Variants in TRAK1 observed in about 807,000 individuals in gnomAD.
TRAK1 encodes trafficking kinesin-binding protein 1.
TRAK1 carries 33 observed loss-of-function variants against 92.1 expected under a neutral mutation model. The observed-to-expected ratio is 0.36, with a 90% confidence interval of 0.27 to 0.48. The LOEUF is 0.48. Ranked by LOEUF, TRAK1 falls within the 20% of genes least tolerant of loss-of-function variation. The pLI is 0.99. For synonymous variants in TRAK1, 521 were observed against 517.3 expected, an observed-to-expected ratio of 1.01 and a Z score of -0.10; for missense variants, 1,123 against 1,257.9, an observed-to-expected ratio of 0.89 and a Z score of 1.62.
chr3:42,196,924 A>G (rs1425591870), intron 10 of TRAK1, among the ~76,000 whole-genome samples: 1 of 150,054 alleles, frequency 6.7e-6, no homozygotes. Context: ...GACAGCAGTA[A>G]CCAGTCCTGA....
upstream of TRAK1, among the ~76,000 whole-genome samples, chr3:42,089,675 AC>A (rs3073728): frequency 5.2e-3 from 687 of 132,930 alleles, 7 homozygotes; most frequent in African/African-American, 0.017. Context: ...GCTTTTTGTG[AC>A]CCCCCCCCAA....
chr3:42,203,044 G>A (rs1051003094), intron 13 of TRAK1: 2 of 1,239,632 alleles, frequency 1.6e-6, no homozygotes, highest in African/African-American at 3.1e-5. Context: ...TAGAACCTTA[G>A]AAATAAAAAC....
At chr3:42,102,533 C>T (rs911965284) in intron 1 of TRAK1, among the ~76,000 whole-genome samples, 2 of 152,148 alleles carry the variant, frequency 1.3e-5, no homozygotes, top group African/African-American at 2.4e-5. Flanking sequence ...TGTCTCATGA[C>T]CAGGGAGAAG....
chr3:42,181,339 T>G (rs1030719074), intron 3 of TRAK1, among the ~76,000 whole-genome samples: 1 of 151,970 alleles, frequency 6.6e-6, no homozygotes, highest in Admixed American at 6.6e-5. Flanking sequence ...AGGTCAGGAG[T>G]CCGATACTAG....
At chr3:42,093,327 G>C (rs573897004) in intron 1 of TRAK1, among the ~76,000 whole-genome samples, 18 of 151,924 alleles carry the variant, frequency 1.2e-4, no homozygotes, top group African/African-American at 3.6e-4. Context: ...TTTGATCTTT[G>C]CAAAACCACA....
At chr3:42,134,170 C>T (rs991960536) in intron 2 of TRAK1, among the ~76,000 whole-genome samples, 10 of 140,796 alleles carry the variant, frequency 7.1e-5, no homozygotes, top group Non-Finnish European at 1.4e-4. Flanking sequence ...CCTTCCCCTT[C>T]CCCTTCCTCT....
chr3:42,119,400 G>A (rs1709565912), intron 1 of TRAK1, among the ~76,000 whole-genome samples: 1 of 152,200 alleles, frequency 6.6e-6, no homozygotes. Flanking sequence ...TGAGAAGTTG[G>A]TATGCCTTAA....
At chr3:42,022,009 A>T (rs1701740178) in intron 1 of TRAK1, among the ~76,000 whole-genome samples, 2 of 152,200 alleles carry the variant, frequency 1.3e-5, no homozygotes, top group Non-Finnish European at 2.9e-5. Flanking sequence ...TGGAACAGGT[A>T]TTCTGTGCCA....
intron 1 of TRAK1, among the ~76,000 whole-genome samples, chr3:42,050,316 C>CT (rs1239077840): frequency 6.6e-6 from 1 of 152,192 alleles, no homozygotes; most frequent in Non-Finnish European, 1.5e-5. Context: ...TCAGTTTCTG[C>CT]TGCAGTGGAG....
chr3:42,091,594 T>G (rs1319535207), intron 1 of TRAK1, 34 bp downstream of exon 1: 5 of 1,596,516 alleles, frequency 3.1e-6, no homozygotes, highest in Non-Finnish European at 4.3e-6. Context: ...CTGCTGTCTG[T>G]TTTCTTTGTG....
intron 14 of TRAK1, chr3:42,212,311 G>A (rs984944339): frequency 1.0e-6 from 1 of 985,398 alleles, no homozygotes; most frequent in Non-Finnish European, 1.2e-6. Flanking sequence ...CACTATCCCA[G>A]GAACTATTGT....
chr3:42,219,694 C>A, intron 15 of TRAK1, 98 bp downstream of exon 15: 1 of 1,411,594 alleles, frequency 7.1e-7, no homozygotes, highest in Non-Finnish European at 9.8e-7. Context: ...AGTAGAGAGG[C>A]TCATAGAAAA....
At chr3:42,110,518 T>G (rs1436121068) in intron 1 of TRAK1, among the ~76,000 whole-genome samples, 1 of 152,130 alleles carries the variant, frequency 6.6e-6, no homozygotes, top group African/African-American at 2.4e-5. Flanking sequence ...GCTGAAGGGC[T>G]TTTTTCCCAT....
intron 1 of TRAK1, among the ~76,000 whole-genome samples, chr3:42,020,270 T>C (rs983462098): frequency 1.5e-4 from 23 of 152,256 alleles, no homozygotes; most frequent in Non-Finnish European, 3.4e-4. Context: ...CCTTTAATTA[T>C]CTTAGCTCCA....
At chr3:42,040,172 C>T (rs1199920515) in intron 1 of TRAK1, among the ~76,000 whole-genome samples, 1 of 151,952 alleles carries the variant, frequency 6.6e-6, no homozygotes, top group Non-Finnish European at 1.5e-5. Flanking sequence ...ATTTACAGCA[C>T]AACATTTTTA....
intron 1 of TRAK1, among the ~76,000 whole-genome samples, chr3:42,029,857 T>G (rs991909442): frequency 4.6e-5 from 7 of 152,292 alleles, no homozygotes; most frequent in African/African-American, 1.7e-4. Flanking sequence ...CCCTGATTGA[T>G]TTTTTAAATG....
chr3:42,203,876 T>G (rs1298404072), intron 13 of TRAK1: 4 of 922,400 alleles, frequency 4.3e-6, no homozygotes, highest in Middle Eastern at 5.6e-4. Context: ...AAGAATCCAA[T>G]TATGTTTACC....
chr3:42,016,031 C>A (rs1291048927), intron 1 of TRAK1, among the ~76,000 whole-genome samples: 1 of 151,390 alleles, frequency 6.6e-6, no homozygotes, highest in African/African-American at 2.4e-5. Flanking sequence ...AGCAAGACCC[C>A]ATCTCAAAAA....
upstream of TRAK1, among the ~76,000 whole-genome samples, chr3:42,086,254 A>T (rs1704667451): frequency 6.6e-6 from 1 of 151,042 alleles, no homozygotes; most frequent in Non-Finnish European, 1.5e-5. Flanking sequence ...CTTTCATCCT[A>T]GTCAGATTTT....
Sources: allele counts gnomAD v4.1 joint callset (sites outside exome capture counted in the v4.1 genomes callset), GRCh38; gene constraint gnomAD v4.1.1; transcripts MANE v1.5; gene names NCBI Gene and HGNC (gene_info 2026-07-23, HGNC 2026-07-21).